NOP9: variants seen among roughly 807,000 people sequenced by gnomAD.
NOP9 encodes the protein NOP9 nucleolar protein, also known as nucleolar protein 9.
A neutral mutation model predicts 63.0 loss-of-function variants in NOP9; 50 were observed. The observed-to-expected ratio is 0.79, with a 90% confidence interval of 0.63 to 1.00. NOP9 has a LOEUF of 1.00. Ranked by LOEUF, NOP9 falls within the 50% of genes least tolerant of loss-of-function variation. The probability of loss-of-function intolerance (pLI) is 0.00; values close to 1 mark genes in which losing one functional copy is unlikely to be tolerated. For synonymous variants in NOP9, 343 were observed against 332.8 expected, an observed-to-expected ratio of 1.03 and a Z score of -0.33; for missense variants, 758 against 803.0, an observed-to-expected ratio of 0.94 and a Z score of 0.68.
chr14:24,275,765 C>G, the NOP9 span, among the ~76,000 whole-genome samples: 5 of 152,192 alleles, frequency 3.3e-5, no homozygotes, highest in Admixed American at 2.6e-4. Context: ...GAGCTGTCTC[C>G]GGGCCATGTG....
At chr14:24,300,921 C>A in intron 2 of NOP9, 64 bp downstream of exon 2, 1 of 1,335,480 alleles carries the variant, frequency 7.5e-7, no homozygotes, top group Non-Finnish European at 1.0e-6. Flanking sequence ...CAGAATGAGA[C>A]AGTAAACAGA....
the NOP9 span, chr14:24,290,816 CA>C: frequency 6.2e-7 from 1 of 1,611,396 alleles, no homozygotes; most frequent in South Asian, 1.1e-5. Flanking sequence ...CCACCAAGTC[CA>C]AATGAGAAGA....
chr14:24,275,689 C>T, the NOP9 span, among the ~76,000 whole-genome samples: 1 of 152,212 alleles, frequency 6.6e-6, no homozygotes, highest in Non-Finnish European at 1.5e-5. Context: ...GGCCAGGGCC[C>T]TGGGTCAAAG....
chr14:24,307,377 T>C lies in NOP9; in HGVS notation c.*2282T>C. On this transcript the variant is annotated 3_prime_UTR_variant, in exon 10 of 10. Transcript: ENST00000267425. The stretch of plus-strand genomic sequence containing the variant: ...AGGAACTTGGCCTACTTACTTTGGC[T>C]AGCAGCTCCTGGCGGGTGGCAGCTG... 1.2e-6 allele frequency: 2 copies of C among 1,613,176 alleles called. No individual in the cohort carries two copies. Among genetic ancestry groups the C allele is most frequent in the Non-Finnish European group, 1.7e-6 (2 of 1,179,412 alleles).
At chr14:24,292,293 C>T in the NOP9 span, 16 of 1,614,066 alleles carry the variant, frequency 9.9e-6, no homozygotes, top group Middle Eastern at 1.6e-4. Flanking sequence ...CCCATGGCGC[C>T]GCAGCTCGTG....
In NOP9 at chr14:24,299,948, A is replaced by G. The variant is rs1252877875; in HGVS notation, c.-7A>G. On this transcript the variant is annotated 5_prime_UTR_variant, in exon 1 of 10. Coordinates refer to ENST00000267425, the MANE Select transcript of NOP9 (RefSeq NM_174913.3). ...GCTTTTGCAGCCGGACAGGTCGCGA[A>G]GCACACATGGGGCAGGGTCCGCGCT... The G allele has an allele frequency of 2.0e-6, 3 of 1,529,108 alleles. No individual in the cohort carries two copies. Among genetic ancestry groups the G allele is most frequent in the African/African-American group, 2.8e-5 (2 of 71,948 alleles). The allele number at this position is 1,529,108 out of a possible 1,614,324, so 94.7% of individuals were successfully genotyped here.
At chr14:24,278,659 A>G in the NOP9 span, among the ~76,000 whole-genome samples, 2 of 152,190 alleles carry the variant, frequency 1.3e-5, no homozygotes, top group Non-Finnish European at 2.9e-5. Context: ...GTATGAAGAC[A>G]GGAGGACTCT....
chr14:24,290,708 A>C, the NOP9 span: 1 of 919,310 alleles, frequency 1.1e-6, no homozygotes, highest in Non-Finnish European at 1.6e-6. Context: ...ACCTAGGCGC[A>C]CCCCAGAACT....
the NOP9 span, chr14:24,292,609 A>G: frequency 3.7e-6 from 6 of 1,614,082 alleles, no homozygotes; most frequent in Admixed American, 3.3e-5. Flanking sequence ...AGGTAACATC[A>G]CTGTCTTTTA....
the NOP9 span, among the ~76,000 whole-genome samples, chr14:24,283,014 C>G: frequency 9.2e-5 from 14 of 152,342 alleles, no homozygotes; most frequent in Non-Finnish European, 1.8e-4. Context: ...CTGCAGAACT[C>G]TCAGCACATG....
chr14:24,273,379 A>G, the NOP9 span, among the ~76,000 whole-genome samples: 1 of 152,110 alleles, frequency 6.6e-6, no homozygotes, highest in Non-Finnish European at 1.5e-5. Context: ...GGGTTTCACC[A>G]TGTTGGCCAG....
At chr14:24,302,561 C>A in intron 5 of NOP9, 137 bp downstream of exon 5, 1 of 886,346 alleles carries the variant, frequency 1.1e-6, no homozygotes, top group Non-Finnish European at 1.7e-6. Context: ...TGAGGTTTTC[C>A]AGAGCTTAGG....
the NOP9 span, among the ~76,000 whole-genome samples, chr14:24,283,259 C>G: frequency 6.6e-6 from 1 of 152,166 alleles, no homozygotes; most frequent in Non-Finnish European, 1.5e-5. Context: ...ACATATGTAT[C>G]TCTTGCAACT....
At chr14:24,299,254 G>C (rs1178070613), upstream of NOP9, 2 of 920,502 alleles carry the variant, frequency 2.2e-6, no homozygotes, top group Non-Finnish European at 3.2e-6. Context: ...AATCCTTTGA[G>C]GGGAGAGGAG....
At position 24,305,918 on chromosome 14, in the gene NOP9, T is replaced by A; in HGVS notation, c.*823T>A. 2 of 1,604,010 alleles carry A rather than the reference T, an allele frequency of 1.2e-6. No homozygotes were observed. The highest frequency in any genetic ancestry group is 1.7e-6 in the Non-Finnish European group (2 of 1,173,950). On this transcript the variant is annotated 3_prime_UTR_variant, in exon 10 of 10. Transcript: ENST00000267425. ...ATGGGGACTATCCAACTGTAGGGGA[T>A]GGGGCAGTATGACATGTTGATTTCT...
intron 9 of NOP9, 87 bp downstream of exon 9, chr14:24,304,685 T>A: frequency 8.9e-7 from 1 of 1,123,502 alleles, no homozygotes; most frequent in Non-Finnish European, 1.3e-6. Flanking sequence ...CTACTGAAAT[T>A]CAACAGTCTT....
chr14:24,307,778 C>A lies in NOP9; in HGVS notation c.*2683C>A. ...TGGAGTATTGTTGCCCTGCCTATAT[C>A]CCCTAAAGGTGGAGGGTAGAGCGGA... On this transcript the variant is annotated 3_prime_UTR_variant, in exon 10 of 10. Transcript: ENST00000267425. 1 of 1,567,392 alleles carries A rather than the reference C, an allele frequency of 6.4e-7. No individual in the cohort carries two copies. Among genetic ancestry groups the A allele is most frequent in the Non-Finnish European group, 8.7e-7 (1 of 1,152,410 alleles).
Position 24,300,643 on chromosome 14 carries a change from A to AGAG in NOP9, c.507_509dup (p.Glu169dup), listed in dbSNP as rs71119069. Reference sequence around the variant, plus strand: ...TCCCTCGATTGCTGGGGAGTGCTGCAGAGGAGGAGGAGGAGGAGGAGGAGG... The same window carrying AGAG: ...TCCCTCGATTGCTGGGGAGTGCTGCAGAGGAGGAGGAGGAGGAGGAGGAGGAGG... On this transcript the variant is annotated inframe_insertion, in exon 2 of 10. Coordinates refer to ENST00000267425, the MANE Select transcript of NOP9 (RefSeq NM_174913.3). 0.28 allele frequency: 398,136 copies of AGAG among 1,438,366 alleles called. 32,168 individuals are homozygous for AGAG. Among genetic ancestry groups the AGAG allele is most frequent in the African/African-American group, 0.42 (30,015 of 71,438 alleles). The allele number at this position is 1,438,366 out of a possible 1,614,324, so 89.1% of individuals were successfully genotyped here. A position where few individuals can be genotyped will look rare whatever the true frequency, so the allele number is the denominator to read the frequency against.
chr14:24,281,710 G>A, the NOP9 span, among the ~76,000 whole-genome samples: 4 of 152,198 alleles, frequency 2.6e-5, no homozygotes, highest in African/African-American at 4.8e-5. Context: ...GGGGTTGGGG[G>A]CTGGGTGAAA....
Sources: allele counts gnomAD v4.1 joint callset (sites outside exome capture counted in the v4.1 genomes callset), GRCh38; gene constraint gnomAD v4.1.1; transcripts MANE v1.5; gene names NCBI Gene and HGNC (gene_info 2026-07-23, HGNC 2026-07-21).